Variants in C5 observed in about 807,000 individuals in gnomAD.
C5 encodes complement C5, also known as C3 and PZP-like alpha-2-macroglobulin domain-containing protein 4.
A neutral mutation model predicts 218.8 loss-of-function variants in C5; 140 were observed. That is an observed-to-expected ratio of 0.64 (90% CI 0.56 to 0.74). C5 has a LOEUF of 0.74. C5 is among the 30% of genes least tolerant of loss of function. C5 has a pLI of 0.00. For synonymous variants in C5, 614 were observed against 682.3 expected (o/e 0.90, Z 1.56); for missense variants, 1,700 against 1,969.6 (o/e 0.86, Z 2.59).
intron 17 of C5, among the ~76,000 whole-genome samples, chr9:121,011,221 A>T (rs1462094604): frequency 6.6e-6 from 1 of 152,182 alleles, no homozygotes; most frequent in African/African-American, 2.4e-5. Context: ...ACTTGCAGCT[A>T]CCCATCTGAC....
chr9:120,978,994 A>G (rs1351293051), intron 28 of C5, among the ~76,000 whole-genome samples: 1 of 152,160 alleles, frequency 6.6e-6, no homozygotes, highest in Non-Finnish European at 1.5e-5. Context: ...GCTAGATTTC[A>G]GCCTCGATTC....
At chr9:121,036,573 A>AT (rs200659597) in intron 4 of C5, among the ~76,000 whole-genome samples, 156 of 148,174 alleles carry the variant, frequency 1.1e-3, no homozygotes, top group African/African-American at 3.2e-3. Context: ...TACTAGCTTC[A>AT]TTTTTTTTTA....
intron 28 of C5, among the ~76,000 whole-genome samples, chr9:120,977,688 G>C (rs1050490694): frequency 1.3e-5 from 2 of 152,140 alleles, no homozygotes; most frequent in African/African-American, 4.8e-5. Flanking sequence ...CCAAAGTACT[G>C]GGATTACAGG....
intron 24 of C5, 97 bp downstream of exon 24, chr9:120,989,471 T>C: frequency 2.4e-6 from 2 of 828,730 alleles, no homozygotes; most frequent in African/African-American, 1.7e-5. Flanking sequence ...AAAATTCTCT[T>C]ACAAAGTTTT....
At chr9:121,068,649 A>T in the C5 span, among the ~76,000 whole-genome samples, 30 of 152,206 alleles carry the variant, frequency 2.0e-4, no homozygotes, top group African/African-American at 7.0e-4. Context: ...TTATGGAACC[A>T]CAAAGGAACC....
At chr9:120,962,838 C>A in intron 35 of C5, 55 bp downstream of exon 35, 1 of 1,599,716 alleles carries the variant, frequency 6.3e-7, no homozygotes, top group South Asian at 1.1e-5. Context: ...AATCTTTTAG[C>A]CTGTATATTT....
chr9:121,034,293 A>G (rs749957381), intron 5 of C5, among the ~76,000 whole-genome samples: 1 of 152,210 alleles, frequency 6.6e-6, no homozygotes, highest in Non-Finnish European at 1.5e-5. Flanking sequence ...TGATTTGCAC[A>G]TACCAAGAAT....
At chr9:121,050,945 C>T (rs1056989124), upstream of C5, among the ~76,000 whole-genome samples, 4 of 152,082 alleles carry the variant, frequency 2.6e-5, no homozygotes, top group Non-Finnish European at 5.9e-5. Flanking sequence ...GCATATACCA[C>T]TCGTTCAAAG....
At chr9:120,980,886 GCA>G (rs1436512834) in intron 27 of C5, among the ~76,000 whole-genome samples, 13 of 152,256 alleles carry the variant, frequency 8.5e-5, no homozygotes, top group African/African-American at 2.9e-4. Context: ...GTGAGCCACT[GCA>G]CCCGGCCCAT....
At chr9:121,002,312 G>A (rs766749139) in intron 20 of C5, among the ~76,000 whole-genome samples, 6,621 of 63,846 alleles carry the variant, frequency 0.1, 376 homozygotes, top group South Asian at 0.19. Context: ...ATATATATGT[G>A]TGTGTATATA....
chr9:120,976,690 G>C lies in C5; in HGVS notation c.3864+10C>G. 6.2e-7 allele frequency: 1 copy of C among 1,610,274 alleles called. No individual in the cohort carries two copies. Among genetic ancestry groups the C allele is most frequent in the Non-Finnish European group, 8.5e-7 (1 of 1,176,496 alleles). ...CTACAGGGAGATGAAACAAGACAAA[G>C]AAATGTTACCTGGGTTGAATAAAAG... is the stretch of plus-strand genomic sequence containing the variant. On this transcript the variant is annotated intron_variant, in intron 29 of 40. Coordinates refer to ENST00000223642, the MANE Select transcript of C5 (RefSeq NM_001735.3).
chr9:121,018,252 CAAA>C (rs1189613789), intron 12 of C5, among the ~76,000 whole-genome samples: 69 of 42,202 alleles, frequency 1.6e-3, no homozygotes, highest in African/African-American at 5.9e-3. Flanking sequence ...GACTCTGTCT[CAAA>C]AAAAAAAAAA....
At chr9:121,069,476 T>C in the C5 span, among the ~76,000 whole-genome samples, 1 of 151,872 alleles carries the variant, frequency 6.6e-6, no homozygotes, top group Non-Finnish European at 1.5e-5. Flanking sequence ...GGATGGCTAT[T>C]ATCAAGACAG....
intron 17 of C5, among the ~76,000 whole-genome samples, chr9:121,010,302 T>C (rs562931183): frequency 6.6e-6 from 1 of 152,266 alleles, no homozygotes; most frequent in South Asian, 2.1e-4. Flanking sequence ...GGATATAAAA[T>C]CAACATACAA....
At chr9:121,004,263 A>G (rs2047197478) in intron 20 of C5, among the ~76,000 whole-genome samples, 1 of 152,240 alleles carries the variant, frequency 6.6e-6, no homozygotes, top group South Asian at 2.1e-4. Context: ...AATATTTGTA[A>G]TGATACCTAA....
intron 28 of C5, 133 bp downstream of exon 28, chr9:120,979,950 A>T (rs2131695040): frequency 1.3e-6 from 1 of 751,702 alleles, no homozygotes; most frequent in South Asian, 1.5e-5. Context: ...ATTACATCGT[A>T]TTGTGACGGT....
chr9:121,066,405 A>C, the C5 span, among the ~76,000 whole-genome samples: 4 of 152,104 alleles, frequency 2.6e-5, no homozygotes, highest in Admixed American at 2.6e-4. Context: ...TCAGGCAAGT[A>C]CTGACAAAAT....
At chr9:121,021,731 T>A (rs142694703) in intron 10 of C5, 37 bp from the exon 11 acceptor site, 1 of 1,473,058 alleles carries the variant, frequency 6.8e-7, no homozygotes, top group South Asian at 1.1e-5. Context: ...TTTCAACAGC[T>A]CATCACTTAT....
chr9:121,046,460 C>A, intron 1 of C5, 77 bp from the exon 2 acceptor site: 5 of 985,222 alleles, frequency 5.1e-6, no homozygotes, highest in Non-Finnish European at 8.1e-6. Flanking sequence ...TTTTCTCTCA[C>A]TTGAGAGATT....
Sources: gnomAD v4.1 joint callset for allele counts (sites outside exome capture counted in the v4.1 genomes callset) on GRCh38, gnomAD v4.1.1 for gene constraint, MANE v1.5 for transcripts, NCBI Gene and HGNC (gene_info 2026-07-23, HGNC 2026-07-21) for gene names.